Variants in GSG1L observed in about 807,000 individuals in gnomAD.
GSG1L encodes the protein GSG1 like, also known as germ cell-specific gene 1-like protein.
In GSG1L, 24 loss-of-function variants were observed where a neutral mutation model predicts 42.1. The ratio of observed to expected loss-of-function variants is 0.57; its 90% CI spans 0.41 to 0.80. GSG1L has a LOEUF of 0.80. Ranked by LOEUF, GSG1L falls within the 30% of genes least tolerant of loss-of-function variation. GSG1L has a pLI of 0.00. For synonymous variants in GSG1L, 215 were observed against 203.5 expected, an observed-to-expected ratio of 1.06 and a Z score of -0.48; for missense variants, 445 against 472.2, an observed-to-expected ratio of 0.94 and a Z score of 0.53.
chr16:27,801,054 A>G (rs940869084), intron 6 of GSG1L, among the ~76,000 whole-genome samples: 3 of 152,200 alleles, frequency 2.0e-5, no homozygotes, highest in Non-Finnish European at 2.9e-5. Context: ...AGACGAAGTC[A>G]GCCACACCAT....
intron 1 of GSG1L, among the ~76,000 whole-genome samples, chr16:28,041,642 T>C (rs205391): frequency 0.84 from 128,318 of 152,170 alleles, 54,152 homozygotes; most frequent in Admixed American, 0.9. Flanking sequence ...CTCTTCCCTC[T>C]TATTTATCCA....
At chr16:28,018,930 T>C (rs1358521996) in intron 1 of GSG1L, among the ~76,000 whole-genome samples, 1 of 152,072 alleles carries the variant, frequency 6.6e-6, no homozygotes, top group Non-Finnish European at 1.5e-5. Flanking sequence ...AGTGGACAAT[T>C]CTCAGATGAA....
chr16:27,869,023 G>A (rs2083767754), intron 3 of GSG1L, among the ~76,000 whole-genome samples: 1 of 152,208 alleles, frequency 6.6e-6, no homozygotes, highest in Non-Finnish European at 1.5e-5. Context: ...AAGAGGCAGA[G>A]GGAGGAGGGA....
chr16:28,057,438 G>A (rs2141201273), intron 1 of GSG1L, among the ~76,000 whole-genome samples: 1 of 152,258 alleles, frequency 6.6e-6, no homozygotes, highest in Middle Eastern at 3.4e-3. Flanking sequence ...GTTGGTGGGG[G>A]GGCACCGTGG....
chr16:27,796,176 C>T (rs1173508032), intron 6 of GSG1L, among the ~76,000 whole-genome samples: 1 of 152,208 alleles, frequency 6.6e-6, no homozygotes, highest in Non-Finnish European at 1.5e-5. Flanking sequence ...TCCTTCCGGC[C>T]AATCACCCAG....
intron 1 of GSG1L, among the ~76,000 whole-genome samples, chr16:27,997,094 C>T (rs915157802): frequency 2.6e-5 from 4 of 152,052 alleles, no homozygotes; most frequent in African/African-American, 9.7e-5. Context: ...AGGAGTCCAC[C>T]ATGGTTCTCA....
chr16:28,014,326 C>T (rs1359276859), intron 1 of GSG1L, among the ~76,000 whole-genome samples: 2 of 152,186 alleles, frequency 1.3e-5, no homozygotes, highest in Admixed American at 6.5e-5. Flanking sequence ...TCCACACGTG[C>T]AGACACGGGA....
chr16:27,875,927 T>C (rs1185502838), intron 3 of GSG1L, among the ~76,000 whole-genome samples: 2 of 152,172 alleles, frequency 1.3e-5, no homozygotes, highest in South Asian at 2.1e-4. Flanking sequence ...TTTAGAGATA[T>C]AGATTCCTGA....
At chr16:27,856,753 T>C (rs1267993787) in intron 3 of GSG1L, among the ~76,000 whole-genome samples, 1 of 152,238 alleles carries the variant, frequency 6.6e-6, no homozygotes, top group African/African-American at 2.4e-5. Flanking sequence ...GTGAGTGATT[T>C]AGAGAAAATG....
chr16:27,794,047 C>T (rs1461340081), intron 6 of GSG1L, among the ~76,000 whole-genome samples: 1 of 152,226 alleles, frequency 6.6e-6, no homozygotes, highest in East Asian at 1.9e-4. Context: ...TGGGGTCTCA[C>T]TCTGTCACCC....
At position 27,863,106 on chromosome 16, in the gene GSG1L, G is replaced by T. The variant is rs540727386; in HGVS notation, c.551-18045C>A. On this transcript the variant is annotated intron_variant, in intron 3 of 6. Transcript: ENST00000447459. ...TTTATCTGTTTCTTCCTGAGGTTCT[G>T]CCAGCTATTGCTTGCTATAAAGTTT... 2.0e-5 allele frequency: 3 copies of T among 152,220 alleles called. No individual in the cohort carries two copies. In the South Asian group the frequency reaches 6.2e-4, roughly 32 times the overall value. The allele number at this position is 152,220 out of a possible 1,614,324, so 9.4% of individuals were successfully genotyped here.
intron 6 of GSG1L, among the ~76,000 whole-genome samples, 161 bp downstream of exon 6, chr16:27,807,326 C>A (rs966410055): frequency 6.6e-6 from 1 of 152,140 alleles, no homozygotes; most frequent in Non-Finnish European, 1.5e-5. Flanking sequence ...GGGCTTGCTA[C>A]CCTGAGACAC....
At chr16:28,038,244 G>A (rs1357806799) in intron 1 of GSG1L, among the ~76,000 whole-genome samples, 1 of 152,050 alleles carries the variant, frequency 6.6e-6, no homozygotes, top group Non-Finnish European at 1.5e-5. Flanking sequence ...CCAAGTAGCT[G>A]GAACCACATG....
rs2141024746 is a variant in GSG1L, at chr16:27,884,749, A to C, written c.398-111T>G. On this transcript the variant is annotated intron_variant, in intron 2 of 6. Transcript: ENST00000447459. This position sits in a 1 kb window ranked among gnomAD's most constrained non-coding sequence, Gnocchi z 4.4. ...GGGTAGCAAGTCATTCTAGAATAGA[A>C]CCTGGTTCTGGGGGAGGTCCTGATG... 1 of 1,113,546 alleles carries C rather than the reference A, an allele frequency of 9.0e-7. No homozygotes were observed. The highest frequency in any genetic ancestry group is 1.2e-6 in the Non-Finnish European group (1 of 800,324). 69.0% of individuals were successfully genotyped at this position (1,113,546 alleles called of 1,614,324 possible). A position where few individuals can be genotyped will look rare whatever the true frequency, so the allele number is the denominator to read the frequency against.
At chr16:27,997,413 G>A (rs2085529048) in intron 1 of GSG1L, among the ~76,000 whole-genome samples, 2 of 134,020 alleles carry the variant, frequency 1.5e-5, no homozygotes, top group Admixed American at 9.0e-5. Context: ...TCTGCTCCCT[G>A]GATTCAAGCA....
At chr16:27,984,630 G>C (rs2085360242) in intron 1 of GSG1L, among the ~76,000 whole-genome samples, 1 of 152,096 alleles carries the variant, frequency 6.6e-6, no homozygotes, top group Non-Finnish European at 1.5e-5. Context: ...TTTTTTTCTA[G>C]ATAGGGGAAG....
At chr16:27,869,741 A>ATC (rs2083785660) in intron 3 of GSG1L, among the ~76,000 whole-genome samples, 1 of 53,452 alleles carries the variant, frequency 1.9e-5, no homozygotes, top group Non-Finnish European at 3.7e-5. Context: ...GTCTCCCTCC[A>ATC]TCTCTCTCTC....
intron 5 of GSG1L, among the ~76,000 whole-genome samples, chr16:27,807,831 C>A (rs952439604): frequency 6.6e-6 from 1 of 152,144 alleles, no homozygotes; most frequent in Non-Finnish European, 1.5e-5. Flanking sequence ...GGAAGGCAAA[C>A]CCATCATTCT....
At position 28,000,185 on chromosome 16, in the gene GSG1L, C is replaced by G. The variant is rs139613163; in HGVS notation, c.350-36982G>C. On this transcript the variant is annotated intron_variant, in intron 1 of 6. Transcript: ENST00000447459. The stretch of plus-strand genomic sequence containing the variant: ...TTCTGTGCGCTCAAAAGTTAGGCCA[C>G]AGCGGGGCGCAGTGGCTCACGCCTA... 4.6e-3 allele frequency among the ~76,000 whole-genome samples: 708 copies of G among 152,322 alleles called. 7 individuals carry two copies. Among genetic ancestry groups the G allele is most frequent in the African/African-American group, 0.016 (673 of 41,576 alleles).
Sources: allele counts gnomAD v4.1 joint callset (sites outside exome capture counted in the v4.1 genomes callset), GRCh38; gene constraint gnomAD v4.1.1; non-coding constraint Gnocchi (gnomAD v3.1); transcripts MANE v1.5; gene names NCBI Gene and HGNC (gene_info 2026-07-23, HGNC 2026-07-21).